Variants in PTPN12 observed in about 807,000 individuals in gnomAD.
PTPN12 encodes the protein tyrosine-protein phosphatase non-receptor type 12.
A neutral mutation model predicts 97.6 loss-of-function variants in PTPN12; 29 were observed. The observed-to-expected ratio is 0.30, with a 90% CI of 0.22 to 0.41. The LOEUF is 0.41. Ranked by LOEUF, PTPN12 falls within the 10% of genes least tolerant of loss-of-function variation. The pLI, the probability that PTPN12 is intolerant of heterozygous loss-of-function variation, is 1.00. For missense variants in PTPN12, 819 were observed against 926.0 expected (o/e 0.88, Z 1.50); for synonymous variants, 327 against 300.4 (o/e 1.09, Z -0.91).
chr7:77,598,993 T>G (rs549999570), intron 7 of PTPN12, among the ~76,000 whole-genome samples: 1 of 151,320 alleles, frequency 6.6e-6, no homozygotes, highest in African/African-American at 2.4e-5. Context: ...CTATGTTATT[T>G]AACATAATTA....
chr7:77,562,320 T>C (rs1311909643), intron 1 of PTPN12, among the ~76,000 whole-genome samples: 2 of 152,190 alleles, frequency 1.3e-5, no homozygotes, highest in Non-Finnish European at 2.9e-5. Context: ...CCCAAAGTGC[T>C]GGGATTACAG....
At chr7:77,571,370 GTTTAA>G (rs1458640973) in intron 2 of PTPN12, among the ~76,000 whole-genome samples, 184 bp downstream of exon 2, 2 of 151,746 alleles carry the variant, frequency 1.3e-5, no homozygotes, top group Non-Finnish European at 3.0e-5. Context: ...CCTAATTTTT[GTTTAA>G]TTTTTTTCCT....
At chr7:77,547,259 G>A (rs1031559603) in intron 1 of PTPN12, among the ~76,000 whole-genome samples, 1 of 152,170 alleles carries the variant, frequency 6.6e-6, no homozygotes, top group African/African-American at 2.4e-5. Context: ...TGAATTGACA[G>A]TTGAAAACAT....
chr7:77,605,945 C>CTTTTTTT lies in PTPN12; in HGVS notation c.696-1270_696-1264dup, dbSNP rs10648385. Among the ~76,000 whole-genome samples the CTTTTTTT allele has an allele frequency of 5.0e-4, 26 of 51,920 alleles. 1 individual carries two copies. The highest frequency in any genetic ancestry group is 6.6e-4 in the Admixed American group (2 of 3,012). 34.1% of individuals were successfully genotyped at this position (51,920 alleles called of 152,430 possible). A position where few individuals can be genotyped will look rare whatever the true frequency, so the allele number is the denominator to read the frequency against. ...TCCTGTACTCTAAAACAAGAGCCAT[C>CTTTTTTT]TTTTTTTTTTTTTTTTTTTTTTTTT... On this transcript the variant is annotated intron_variant, in intron 8 of 17. Coordinates refer to ENST00000248594, the MANE Select transcript of PTPN12 (RefSeq NM_002835.4).
intron 13 of PTPN12, among the ~76,000 whole-genome samples, chr7:77,630,466 A>G (rs936327913): frequency 6.6e-6 from 1 of 152,224 alleles, no homozygotes; most frequent in African/African-American, 2.4e-5. Flanking sequence ...TGGGCCATAC[A>G]ATGTAACCTC....
At position 77,618,463 on chromosome 7, in the gene PTPN12, AT is replaced by A. The variant is rs773860685; in HGVS notation, c.940-11del. 3.3e-6 allele frequency: 5 copies of A among 1,524,616 alleles called. No individual in the cohort carries two copies. In the South Asian group the frequency reaches 3.6e-5, roughly 11 times the overall value. 94.4% of individuals were successfully genotyped at this position (1,524,616 alleles called of 1,614,324 possible). On this transcript the variant is annotated splice_polypyrimidine_tract_variant and intron_variant, in intron 11 of 17. Transcript: ENST00000248594. ...ATTTTTCTCTTAACCTTAGTGAAGT[AT>A]TTTTTCCCTTGGCAGAATGAAATTA...
intron 16 of PTPN12, among the ~76,000 whole-genome samples, chr7:77,638,017 G>A (rs1449080605): frequency 4.6e-5 from 6 of 129,630 alleles, no homozygotes; most frequent in Non-Finnish European, 9.4e-5. Context: ...GAGTGCAGTG[G>A]CGCGATCTCG....
At chr7:77,560,784 TTATC>T (rs1807962773) in intron 1 of PTPN12, among the ~76,000 whole-genome samples, 1 of 152,242 alleles carries the variant, frequency 6.6e-6, no homozygotes, top group Non-Finnish European at 1.5e-5. Flanking sequence ...TACATTTTGT[TTATC>T]TATTTGCCCA....
At chr7:77,572,461 CTT>C (rs1787175405) in intron 2 of PTPN12, among the ~76,000 whole-genome samples, 1 of 152,180 alleles carries the variant, frequency 6.6e-6, no homozygotes, top group Admixed American at 6.5e-5. Context: ...CATGATAACT[CTT>C]TTAAAACACC....
intron 14 of PTPN12, among the ~76,000 whole-genome samples, chr7:77,633,583 T>A (rs1789480907): frequency 6.6e-6 from 1 of 150,920 alleles, no homozygotes; most frequent in Admixed American, 6.6e-5. Flanking sequence ...CACTCCAGCC[T>A]GGGCAACAGA....
intron 8 of PTPN12, among the ~76,000 whole-genome samples, chr7:77,602,542 C>T (rs1490160857): frequency 6.6e-6 from 1 of 151,756 alleles, no homozygotes; most frequent in East Asian, 1.9e-4. Flanking sequence ...ATTGCTTGAG[C>T]CCAGAACTTT....
At chr7:77,590,648 T>C (rs1377284686) in intron 5 of PTPN12, among the ~76,000 whole-genome samples, 1 of 151,478 alleles carries the variant, frequency 6.6e-6, no homozygotes, top group Admixed American at 6.6e-5. Context: ...GCAACCTGCA[T>C]CTCCCAGGTT....
chr7:77,596,075 G>C (rs540121133), intron 6 of PTPN12, among the ~76,000 whole-genome samples: 1 of 152,254 alleles, frequency 6.6e-6, no homozygotes, highest in East Asian at 1.9e-4. Flanking sequence ...ATGGTGGTTG[G>C]TACTGAGGAA....
chr7:77,599,524 G>A (rs1165835242), intron 7 of PTPN12, among the ~76,000 whole-genome samples: 3 of 152,220 alleles, frequency 2.0e-5, no homozygotes, highest in Non-Finnish European at 4.4e-5. Flanking sequence ...TCCTGGCCTT[G>A]AGTGATCTTG....
intron 11 of PTPN12, among the ~76,000 whole-genome samples, chr7:77,613,177 T>TG (rs1788630385): frequency 7.4e-6 from 1 of 135,350 alleles, no homozygotes; most frequent in African/African-American, 2.8e-5. Flanking sequence ...GTTTTTTTTT[T>TG]TTTTTTTTTT....
At chr7:77,544,761 C>G (rs1807136984) in intron 1 of PTPN12, among the ~76,000 whole-genome samples, 1 of 152,220 alleles carries the variant, frequency 6.6e-6, no homozygotes, top group African/African-American at 2.4e-5. Flanking sequence ...ATCCCTGTAT[C>G]CCCATTGCTT....
intron 2 of PTPN12, among the ~76,000 whole-genome samples, chr7:77,575,408 T>C (rs938274427): frequency 6.6e-6 from 1 of 152,136 alleles, no homozygotes; most frequent in Non-Finnish European, 1.5e-5. Context: ...CTCAGTAGGC[T>C]GATGTGGGAG....
chr7:77,602,999 C>T lies in PTPN12; in HGVS notation c.695+2193C>T, dbSNP rs376127967. ...AGTTTTCTTATTCACTTGGTTTGAC[C>T]GTAATGCTCATAATTAACGAAGTAA... On this transcript the variant is annotated intron_variant, in intron 8 of 17. Coordinates refer to ENST00000248594, the MANE Select transcript of PTPN12 (RefSeq NM_002835.4). Among the ~76,000 whole-genome samples, 36 of 152,082 alleles carry T rather than the reference C, an allele frequency of 2.4e-4. No individual in the cohort carries two copies. In the East Asian group the frequency reaches 3.1e-3, roughly 13 times the overall value.
intron 1 of PTPN12, among the ~76,000 whole-genome samples, chr7:77,567,004 G>C (rs1202114895): frequency 6.6e-6 from 1 of 151,708 alleles, no homozygotes; most frequent in African/African-American, 2.4e-5. Flanking sequence ...AGGTTTCTTA[G>C]TATATTATGT....
Sources: allele counts gnomAD v4.1 joint callset (sites outside exome capture counted in the v4.1 genomes callset), GRCh38; gene constraint gnomAD v4.1.1; transcripts MANE v1.5; gene names NCBI Gene and HGNC (gene_info 2026-07-23, HGNC 2026-07-21).